IL26: variants seen among roughly 807,000 people sequenced by gnomAD.
IL26 encodes the protein interleukin 26, also known as interleukin-26.
Under a neutral mutation model 21.7 loss-of-function variants are expected in IL26, and 23 were observed. The ratio of observed to expected loss-of-function variants is 1.06; its 90% CI spans 0.76 to 1.50. The LOEUF is 1.50. Among genes scored for constraint, IL26 ranks in the 40% most tolerant of loss-of-function variants. The pLI is 0.00. For synonymous variants in IL26, 63 were observed against 67.8 expected (o/e 0.93, Z 0.34); for missense variants, 204 against 196.0 (o/e 1.04, Z -0.24).
At chr12:68,205,696 A>G (rs1307195513) in intron 3 of IL26, among the ~76,000 whole-genome samples, 1 of 140,916 alleles carries the variant, frequency 7.1e-6, no homozygotes. Flanking sequence ...TTAAGGAAAT[A>G]CATAGTAATT....
At chr12:68,219,329 T>C (rs762602301) in intron 3 of IL26, among the ~76,000 whole-genome samples, 3 of 152,102 alleles carry the variant, frequency 2.0e-5, no homozygotes, top group East Asian at 3.9e-4. Flanking sequence ...TCATACAAAG[T>C]ATGGTCTCTG....
chr12:68,203,793 T>G (rs1435337992), intron 3 of IL26, among the ~76,000 whole-genome samples: 1 of 152,156 alleles, frequency 6.6e-6, no homozygotes, highest in Non-Finnish European at 1.5e-5. Context: ...GAAGAGACTC[T>G]TCCTGTGAAA....
intron 3 of IL26, among the ~76,000 whole-genome samples, chr12:68,209,513 A>T (rs1868644163): frequency 6.6e-6 from 1 of 152,204 alleles, no homozygotes; most frequent in Non-Finnish European, 1.5e-5. Context: ...TCCAGAGGCC[A>T]CGAGGGGTTT....
intron 3 of IL26, among the ~76,000 whole-genome samples, chr12:68,212,518 G>A (rs776830890): frequency 6.6e-6 from 1 of 152,012 alleles, no homozygotes; most frequent in Non-Finnish European, 1.5e-5. Context: ...TTTCAATGAA[G>A]GAGCATTGAA....
At chr12:68,203,322 A>G (rs1385059223) in intron 3 of IL26, among the ~76,000 whole-genome samples, 6 of 152,242 alleles carry the variant, frequency 3.9e-5, no homozygotes, top group Admixed American at 2.6e-4. Flanking sequence ...GAAAGGAAAG[A>G]AAATGTGAAA....
At chr12:68,224,041 C>CCA (rs1348998202) in intron 3 of IL26, among the ~76,000 whole-genome samples, 3 of 46,740 alleles carry the variant, frequency 6.4e-5, no homozygotes, top group African/African-American at 1.5e-4. Context: ...AAATAAACAC[C>CCA]CCCCCCCTCT....
chr12:68,215,024 G>A (rs1354766940), intron 3 of IL26, among the ~76,000 whole-genome samples: 1 of 150,758 alleles, frequency 6.6e-6, no homozygotes, highest in Non-Finnish European at 1.5e-5. Flanking sequence ...TTGCTTTGTG[G>A]TTACCACGAG....
chr12:68,221,994 A>G (rs1042487152), intron 3 of IL26, among the ~76,000 whole-genome samples: 2 of 152,190 alleles, frequency 1.3e-5, no homozygotes, highest in Non-Finnish European at 2.9e-5. Flanking sequence ...CCAGAGTCAT[A>G]CCCTATTTGG....
At chr12:68,212,486 G>C (rs1868762062) in intron 3 of IL26, among the ~76,000 whole-genome samples, 1 of 152,024 alleles carries the variant, frequency 6.6e-6, no homozygotes, top group South Asian at 2.1e-4. Context: ...GGGTAGTATT[G>C]ATATTTTAGC....
At chr12:68,217,425 C>T (rs940480636) in intron 3 of IL26, among the ~76,000 whole-genome samples, 7 of 152,046 alleles carry the variant, frequency 4.6e-5, no homozygotes, top group Non-Finnish European at 8.8e-5. Context: ...ATTCATTGGT[C>T]ATTATGGGAG....
At chr12:68,209,718 C>T (rs1481245994) in intron 3 of IL26, among the ~76,000 whole-genome samples, 1 of 152,144 alleles carries the variant, frequency 6.6e-6, no homozygotes, top group Non-Finnish European at 1.5e-5. Flanking sequence ...AAGCCCCCGC[C>T]TCAGCTTCTC....
Position 68,202,137 on chromosome 12 carries a change from C to G in IL26, c.364-54G>C, listed in dbSNP as rs990810702. The G allele has an allele frequency of 4.0e-5, 45 of 1,117,416 alleles. No individual in the cohort carries two copies. In the African/African-American group the frequency reaches 7.0e-4, roughly 17 times the overall value. 69.2% of individuals were successfully genotyped at this position (1,117,416 alleles called of 1,614,324 possible). On this transcript the variant is annotated intron_variant, in intron 3 of 4. Coordinates refer to ENST00000229134, the MANE Select transcript of IL26 (RefSeq NM_018402.2). Reference sequence around the variant, plus strand: ...TATTGTTGAAGAGGCATTAATGATACTCTTTCATTCATTCAACAAATATTT... The same window carrying G: ...TATTGTTGAAGAGGCATTAATGATAGTCTTTCATTCATTCAACAAATATTT...
chr12:68,224,597 AGGAAAG>A (rs1869175812), intron 3 of IL26, among the ~76,000 whole-genome samples: 1 of 143,214 alleles, frequency 7.0e-6, no homozygotes, highest in East Asian at 2.9e-4. Flanking sequence ...GAAGGAAGGA[AGGAAAG>A]AGAGAGAGAA....
chr12:68,221,213 TTGACAAATTCATCATTTGGCAA>T (rs1445536589), intron 3 of IL26, among the ~76,000 whole-genome samples: 3 of 152,140 alleles, frequency 2.0e-5, no homozygotes, highest in Non-Finnish European at 4.4e-5. Flanking sequence ...AACTTGGTCA[TTGACAAATTCATCATTTGGCAA>T]TTGTTCTGGA....
chr12:68,224,125 G>T (rs1476058367), intron 3 of IL26, among the ~76,000 whole-genome samples: 1 of 151,528 alleles, frequency 6.6e-6, no homozygotes, highest in Non-Finnish European at 1.5e-5. Context: ...GCTTCCCAAG[G>T]ATTGCAATAA....
intron 3 of IL26, among the ~76,000 whole-genome samples, chr12:68,223,886 T>TTTTTTTTTTTTTTTTTTTC (rs1565740588): frequency 4.0e-5 from 6 of 149,140 alleles, no homozygotes; most frequent in South Asian, 4.3e-4. Context: ...ATTTGGTGGT[T>TTTTTTTTTTTTTTTTTTTC]TTTTTTTTTT....
intron 3 of IL26, among the ~76,000 whole-genome samples, chr12:68,206,042 C>A (rs1328386709): frequency 6.6e-6 from 1 of 152,162 alleles, no homozygotes; most frequent in Admixed American, 6.5e-5. Flanking sequence ...CCTGCTCCTG[C>A]CCCCACCATC....
chr12:68,216,865 C>T (rs1487534731), intron 3 of IL26, among the ~76,000 whole-genome samples: 7 of 152,096 alleles, frequency 4.6e-5, no homozygotes, highest in East Asian at 1.9e-4. Context: ...TTAAAGTAGA[C>T]GATGAAATCT....
Position 68,202,063 on chromosome 12 carries a change from A to G in IL26, c.384T>C (p.Ala128=). The change falls in exon 4 of 5, where the codon GCT becomes GCC. Residue 128 remains alanine, a synonymous_variant. Transcript: ENST00000229134. The part of the protein sequence containing the change: ...LSHCISCASS[A]REMKSITRMK... ...TCCTGGTAATGGATTTCATCTCTCTAGCTGATGAAGCACAGGAAATCTAAG... is the reference window on the plus strand; with the variant it reads ...TCCTGGTAATGGATTTCATCTCTCTGGCTGATGAAGCACAGGAAATCTAAG... 6.3e-7 allele frequency: 1 copy of G among 1,581,456 alleles called. No homozygotes were observed. Among genetic ancestry groups the G allele is most frequent in the Admixed American group, 1.7e-5 (1 of 58,776 alleles).
Sources: gnomAD v4.1 joint callset for allele counts (sites outside exome capture counted in the v4.1 genomes callset) on GRCh38, gnomAD v4.1.1 for gene constraint, MANE v1.5 for transcripts, NCBI Gene and HGNC (gene_info 2026-07-23, HGNC 2026-07-21) for gene names.